RPL36A: variants seen among roughly 807,000 people sequenced by gnomAD.
RPL36A encodes the protein large ribosomal subunit protein eL42.
For missense variants in RPL36A, 20 were observed against 81.0 expected, an observed-to-expected ratio of 0.25 and a Z score of 2.89; for synonymous variants, 25 against 28.5, an observed-to-expected ratio of 0.88 and a Z score of 0.39.
intron 3 of RPL36A, chrX:101,393,169 A>G (rs1176662483): frequency 9.1e-6 from 1 of 109,692 alleles, no homozygotes; most frequent in Non-Finnish European, 1.9e-5. Context: ...CAGTGGTACT[A>G]TTCAGCCATA....
At chrX:101,395,679 C>T (rs1302986869) in intron 4 of RPL36A, 49 bp from the exon 5 acceptor site, 1 of 1,185,267 alleles carries the variant, frequency 8.4e-7, no homozygotes, top group Non-Finnish European at 1.1e-6. Flanking sequence ...CTTAATGGGG[C>T]AGTAGTTCAT....
chrX:101,391,246 C>T (rs1927787971), intron 1 of RPL36A, 200 bp downstream of exon 1: 2 of 582,480 alleles, frequency 3.4e-6, no homozygotes, highest in Non-Finnish European at 5.5e-6. Context: ...GTAGAGTTAG[C>T]CGGGGGTGGA....
At chrX:101,392,734 A>G in intron 3 of RPL36A, 1 of 402,795 alleles carries the variant, frequency 2.5e-6, no homozygotes, top group Non-Finnish European at 3.1e-6. Flanking sequence ...TATCAAAGAG[A>G]TATCTGCACT....
intron 3 of RPL36A, 197 bp from the exon 4 acceptor site, chrX:101,395,138 T>G: frequency 3.4e-6 from 1 of 297,814 alleles, no homozygotes; most frequent in Non-Finnish European, 5.5e-6. Context: ...TCTCTTAAAT[T>G]CACTGATTTT....
intron 3 of RPL36A, chrX:101,392,186 C>T (rs782358602): frequency 1.0e-6 from 1 of 986,320 alleles, no homozygotes; most frequent in East Asian, 6.5e-5. Flanking sequence ...AAGAATTGTT[C>T]TGTTGTTTCT....
intron 1 of RPL36A, 50 bp downstream of exon 1, chrX:101,391,096 C>T (rs782568957): frequency 3.4e-6 from 4 of 1,162,151 alleles, no homozygotes; most frequent in East Asian, 3.0e-5. Flanking sequence ...ATCTTTCCCC[C>T]CCTTCGTCGC....
intron 3 of RPL36A, among the ~76,000 whole-genome samples, chrX:101,394,775 A>T (rs12006570): frequency 0.39 from 32,002 of 81,391 alleles, 5,185 homozygotes; most frequent in Non-Finnish European, 0.46. Context: ...TTATATATAT[A>T]ATATATATAT....
At chrX:101,392,950 A>G (rs782320769) in intron 3 of RPL36A, 1 of 108,901 alleles carries the variant, frequency 9.2e-6, no homozygotes, top group South Asian at 4.1e-4. Context: ...CCCCGTCTCT[A>G]GTAAAAATAC....
At chrX:101,394,720 T>A (rs868944460) in intron 3 of RPL36A, among the ~76,000 whole-genome samples, 64 of 100,230 alleles carry the variant, frequency 6.4e-4, no homozygotes, top group Non-Finnish European at 1.1e-3. Context: ...ATATATATAT[T>A]TATATATTAT....
At chrX:101,391,273 C>A (rs1161471692) in intron 1 of RPL36A, 186 bp from the exon 2 acceptor site, 2 of 608,779 alleles carry the variant, frequency 3.3e-6, no homozygotes, top group Admixed American at 6.5e-5. Context: ...GAGGTCTCTT[C>A]CCTCTTTGGG....
rs1927798792 is a variant in RPL36A at position 101,391,467 on chromosome X, C to T, written c.12C>T (p.Val4=). MVN[V]PKTRRTFCKK... Reference sequence around the variant, plus strand: ...AACTGTTTCTTTACTAGGTTAACGTCCCTAAAACCCGCCGGACTTTCTGTA... The same window carrying T: ...AACTGTTTCTTTACTAGGTTAACGTTCCTAAAACCCGCCGGACTTTCTGTA... Residue 4 remains valine, a synonymous_variant, in exon 2 of 5, where the codon GTC becomes GTT. Transcript: ENST00000553110. The T allele has an allele frequency of 1.7e-6, 2 of 1,211,317 alleles. No individual in the cohort carries two copies. The highest frequency in any genetic ancestry group is 5.9e-5 in the East Asian group (2 of 33,855).
intron 2 of RPL36A, 81 bp from the exon 3 acceptor site, chrX:101,391,674 G>T (rs1927810219): frequency 8.4e-7 from 1 of 1,195,017 alleles, no homozygotes; most frequent in Admixed American, 2.2e-5. Flanking sequence ...TAATATTTCT[G>T]CTGCGAAATT....
Position 101,395,396 on chromosome X carries a change from A to G in RPL36A, c.239A>G (p.Lys80Arg). The G allele has an allele frequency of 3.3e-6, 4 of 1,210,217 alleles. No homozygotes were observed. Among genetic ancestry groups the G allele is most frequent in the Non-Finnish European group, 4.5e-6 (4 of 895,208 alleles). ...TGCGTTGAGCCCAACTGCAGATCTA[A>G]GAGAATGCTGGCTATTAAAAGATGC... ...LECVEPNCRS[K>R]RMLAIKRCKH... is the part of the protein sequence containing the mutation. The change falls in exon 4 of 5, where the codon AAG becomes AGG. Residue 80 changes from lysine to arginine, a missense_variant. Coordinates refer to ENST00000553110, the MANE Select transcript of RPL36A (RefSeq NM_021029.6).
At chrX:101,392,735 T>TA in intron 3 of RPL36A, 1 of 398,945 alleles carries the variant, frequency 2.5e-6, no homozygotes, top group East Asian at 2.0e-4. Flanking sequence ...ATCAAAGAGA[T>TA]ATCTGCACTC....
At chrX:101,392,021 T>C in intron 3 of RPL36A, 199 bp downstream of exon 3, 1 of 1,162,500 alleles carries the variant, frequency 8.6e-7, no homozygotes, top group Admixed American at 2.6e-5. Flanking sequence ...TTTCAGTGTT[T>C]ACGATTTTTT....
intron 2 of RPL36A, 27 bp from the exon 3 acceptor site, chrX:101,391,728 A>G (rs1927812473): frequency 2.5e-6 from 3 of 1,208,042 alleles, no homozygotes; most frequent in African/African-American, 3.5e-5. Flanking sequence ...TCAGTATTTT[A>G]TAACAAATAC....
At chrX:101,393,158 A>C (rs1555983745) in intron 3 of RPL36A, 2 of 109,283 alleles carry the variant, frequency 1.8e-5, no homozygotes, top group Non-Finnish European at 1.9e-5. Context: ...GCACCTATAC[A>C]CAGTGGTACT....
intron 3 of RPL36A, chrX:101,393,475 ATAACT>A (rs1372902978): frequency 8.9e-6 from 1 of 112,420 alleles, no homozygotes; most frequent in East Asian, 2.8e-4. Context: ...ATATTTTAAA[ATAACT>A]TAGAGTGTAA....
At chrX:101,392,200 C>T (rs1569300698) in intron 3 of RPL36A, 1 of 970,404 alleles carries the variant, frequency 1.0e-6, no homozygotes, top group African/African-American at 2.0e-5. Flanking sequence ...TGTTTCTCAT[C>T]ACAGAAATCT....
Sources: gnomAD v4.1 joint callset for allele counts (sites outside exome capture counted in the v4.1 genomes callset) on GRCh38, gnomAD v4.1.1 for gene constraint, MANE v1.5 for transcripts, NCBI Gene and HGNC (gene_info 2026-07-23, HGNC 2026-07-21) for gene names.